TBCD: variants seen among roughly 807,000 people sequenced by gnomAD.
TBCD encodes the protein tubulin folding cofactor D.
Under a neutral mutation model 169.3 loss-of-function variants are expected in TBCD, and 105 were observed. That is an observed-to-expected ratio of 0.62 (90% CI 0.53 to 0.73). TBCD has a LOEUF of 0.73. Among genes scored for constraint, TBCD ranks in the 30% least tolerant of loss-of-function variants. The pLI, the probability that TBCD is intolerant of heterozygous loss-of-function variation, is 0.00. For missense variants in TBCD, 1,444 were observed against 1,600.1 expected (o/e 0.90, Z 1.66); for synonymous variants, 700 against 643.9 (o/e 1.09, Z -1.32).
intron 13 of TBCD, among the ~76,000 whole-genome samples, chr17:82,863,450 A>C (rs982930738): frequency 6.6e-6 from 1 of 152,234 alleles, no homozygotes; most frequent in African/African-American, 2.4e-5. Flanking sequence ...CGGCTTAAGC[A>C]GTTCTGAAAA....
At chr17:82,940,165 A>G (rs2062989212) in intron 37 of TBCD, among the ~76,000 whole-genome samples, 2 of 151,920 alleles carry the variant, frequency 1.3e-5, no homozygotes, top group Admixed American at 6.5e-5. Context: ...ATGGTGTCTT[A>G]CACATATGGG....
chr17:82,857,745 G>GGT (rs1555618432), intron 13 of TBCD, among the ~76,000 whole-genome samples: 1 of 99,636 alleles, frequency 1.0e-5, no homozygotes, highest in African/African-American at 3.7e-5. Context: ...TGTGTCTCAT[G>GGT]GTTTTTTTTT....
chr17:82,884,141 A>T lies in TBCD; in HGVS notation c.1476-4A>T. 1 of 1,606,536 alleles carries T rather than the reference A, an allele frequency of 6.2e-7. No homozygotes were observed. Among genetic ancestry groups the T allele is most frequent in the African/African-American group, 1.3e-5 (1 of 74,832 alleles). On this transcript the variant is annotated splice_polypyrimidine_tract_variant and splice_region_variant and intron_variant, in intron 14 of 38. Coordinates refer to ENST00000355528, the MANE Select transcript of TBCD (RefSeq NM_005993.5). This position sits in a 1 kb window ranked among gnomAD's most constrained non-coding sequence, Gnocchi z 4.2. ...TTTTAATTAATCCTTTCTCTTTTTCACAGTGCACTGGTGATTGCTGCGGTG... is the reference window on the plus strand; with the variant it reads ...TTTTAATTAATCCTTTCTCTTTTTCTCAGTGCACTGGTGATTGCTGCGGTG...
chr17:82,903,298 G>A lies in TBCD; in HGVS notation c.1731-107G>A. On this transcript the variant is annotated intron_variant, in intron 18 of 38. Coordinates refer to ENST00000355528, the MANE Select transcript of TBCD (RefSeq NM_005993.5). The surrounding 1 kb of genome is among the most constrained non-coding windows in gnomAD (Gnocchi z 4.8). ...GTGAGTGAGTGAGCCTCTGCTAAGT[G>A]GCCGGTTGAGGACTCGTGTGTTGTC... 3.9e-6 allele frequency: 4 copies of A among 1,017,272 alleles called. No homozygotes were observed. The highest frequency in any genetic ancestry group is 5.9e-6 in the Non-Finnish European group (4 of 673,456). The allele number at this position is 1,017,272 out of a possible 1,614,324, so 63.0% of individuals were successfully genotyped here. A position where few individuals can be genotyped will look rare whatever the true frequency, so the allele number is the denominator to read the frequency against.
At chr17:82,795,663 G>A (rs925456321) in intron 7 of TBCD, 7 of 946,278 alleles carry the variant, frequency 7.4e-6, no homozygotes, top group Non-Finnish European at 8.8e-6. Flanking sequence ...CACAGCTGGT[G>A]GCATCAGTGA....
intron 6 of TBCD, among the ~76,000 whole-genome samples, chr17:82,778,895 CAG>C (rs1437449251): frequency 2.6e-5 from 4 of 152,178 alleles, no homozygotes; most frequent in Non-Finnish European, 4.4e-5. Context: ...CTCCTGACCT[CAG>C]GTGATCCACC....
At chr17:82,814,254 T>C (rs2144920910) in intron 12 of TBCD, among the ~76,000 whole-genome samples, 1 of 152,368 alleles carries the variant, frequency 6.6e-6, no homozygotes, top group Admixed American at 6.5e-5. Flanking sequence ...GACGTCTTCC[T>C]GTGCTGGGAT....
At chr17:82,847,505 T>C (rs975949813) in intron 13 of TBCD, among the ~76,000 whole-genome samples, 3 of 152,084 alleles carry the variant, frequency 2.0e-5, no homozygotes, top group Non-Finnish European at 4.4e-5. Flanking sequence ...ATGAGAGAAT[T>C]TGGGGAAAGC....
intron 6 of TBCD, among the ~76,000 whole-genome samples, chr17:82,780,744 A>G (rs2048894676): frequency 7.2e-6 from 1 of 139,622 alleles, no homozygotes; most frequent in African/African-American, 2.7e-5. Context: ...TCCCGGGTTC[A>G]CGCGATTCTC....
chr17:82,838,481 C>A (rs528274594), intron 13 of TBCD, among the ~76,000 whole-genome samples: 82 of 152,286 alleles, frequency 5.4e-4, no homozygotes, highest in Middle Eastern at 6.8e-3. Context: ...TTGGTGGTGT[C>A]CAGCTGTCTG....
At chr17:82,828,480 G>A (rs2053140614) in intron 13 of TBCD, among the ~76,000 whole-genome samples, 2 of 136,022 alleles carry the variant, frequency 1.5e-5, no homozygotes, top group African/African-American at 2.8e-5. Flanking sequence ...ATACACACAC[G>A]TGCACATCCA....
At chr17:82,933,778 ATTGT>A (rs943769084) in intron 34 of TBCD, among the ~76,000 whole-genome samples, 7 of 151,872 alleles carry the variant, frequency 4.6e-5, no homozygotes, top group South Asian at 2.1e-4. Context: ...CACCTGGCTG[ATTGT>A]TTGTATTGTT....
chr17:82,775,042 C>T (rs2048502189), intron 6 of TBCD, among the ~76,000 whole-genome samples: 1 of 152,236 alleles, frequency 6.6e-6, no homozygotes, highest in African/African-American at 2.4e-5. Flanking sequence ...AGTGCGGTGC[C>T]TGTGGGCCAG....
chr17:82,849,172 T>G (rs55958216), intron 13 of TBCD, among the ~76,000 whole-genome samples: 2 of 76,366 alleles, frequency 2.6e-5, no homozygotes, highest in Non-Finnish European at 4.9e-5. Context: ...GATGTCCCCC[T>G]CTGCCTGCTG....
At chr17:82,777,355 T>C (rs1178050421) in intron 6 of TBCD, among the ~76,000 whole-genome samples, 2 of 151,990 alleles carry the variant, frequency 1.3e-5, no homozygotes, top group African/African-American at 4.8e-5. Flanking sequence ...TGAGAGAGTG[T>C]AGAAATAAAG....
In TBCD at chr17:82,885,964, G is replaced by GTC. The variant is rs1454245590; in HGVS notation, c.1533+1765_1533+1766dup. 35 of 152,214 alleles carry GTC rather than the reference G, an allele frequency of 2.3e-4. 1 individual carries two copies. The highest frequency in any genetic ancestry group is 2.3e-3 in the Admixed American group (35 of 15,286). 9.4% of individuals were successfully genotyped at this position (152,214 alleles called of 1,614,324 possible). ...GGAGCTGCTGCTTTCAGATAACAAT[G>GTC]TCTCGGTCTTTCTGGCTCAGCTTGG... On this transcript the variant is annotated intron_variant, in intron 15 of 38. Coordinates refer to ENST00000355528, the MANE Select transcript of TBCD (RefSeq NM_005993.5).
intron 32 of TBCD, 119 bp downstream of exon 32, chr17:82,929,619 C>A: frequency 1.4e-6 from 2 of 1,411,032 alleles, no homozygotes; most frequent in East Asian, 2.4e-5. Context: ...CTATCTCTCT[C>A]GGGCATATTT....
rs895482082 is a variant in TBCD at position 82,860,345 on chromosome 17, C to T, written c.1319-9879C>T. ...TCCCCTCCCCTCTGGTGGCCTTTCG[C>T]AGTGGTGGAGGGGCAGGAACTGACT... is the stretch of plus-strand genomic sequence containing the variant. On this transcript the variant is annotated intron_variant, in intron 13 of 38. Transcript: ENST00000355528. The T allele has an allele frequency of 5.1e-6, 5 of 983,668 alleles. No homozygotes were observed. In the African/African-American group the frequency reaches 8.7e-5, roughly 17 times the overall value. 60.9% of individuals were successfully genotyped at this position (983,668 alleles called of 1,614,324 possible).
At chr17:82,830,528 G>A in intron 13 of TBCD, 1 of 1,614,080 alleles carries the variant, frequency 6.2e-7, no homozygotes, top group Admixed American at 1.7e-5. Context: ...GTCTCAGGGT[G>A]GCTGGGCCCA....
Sources: allele counts gnomAD v4.1 joint callset (sites outside exome capture counted in the v4.1 genomes callset), GRCh38; gene constraint gnomAD v4.1.1; non-coding constraint Gnocchi (gnomAD v3.1); transcripts MANE v1.5; gene names NCBI Gene and HGNC (gene_info 2026-07-23, HGNC 2026-07-21).